Variants in EIPR1 observed in about 807,000 individuals in gnomAD.
EIPR1 encodes the protein EARP and GARP complex-interacting protein 1.
A neutral mutation model predicts 48.1 loss-of-function variants in EIPR1; 25 were observed. That is an observed-to-expected ratio of 0.52 (90% CI 0.38 to 0.73). The LOEUF (loss-of-function observed/expected upper bound fraction) is 0.73, where lower values mean the gene tolerates loss of function less well. EIPR1 is among the 30% of genes least tolerant of loss of function. The probability of loss-of-function intolerance (pLI) is 0.00; values close to 1 mark genes in which losing one functional copy is unlikely to be tolerated. For missense variants in EIPR1, 415 were observed against 506.2 expected (o/e 0.82, Z 1.73); for synonymous variants, 204 against 201.9 (o/e 1.01, Z -0.09).
chr2:3,279,502 G>A (rs184145396), intron 3 of EIPR1, among the ~76,000 whole-genome samples: 133 of 152,322 alleles, frequency 8.7e-4, no homozygotes, highest in African/African-American at 2.8e-3. Flanking sequence ...TGGGCAAGGT[G>A]TCACTTACAA....
chr2:3,368,381 G>A lies in EIPR1; in HGVS notation c.42+9267C>T, dbSNP rs543795019. Among the ~76,000 whole-genome samples the A allele has an allele frequency of 1.6e-3, 238 of 152,226 alleles. 2 individuals carry two copies. The highest frequency in any genetic ancestry group is 3.4e-3 in the Middle Eastern group (1 of 294). Reference sequence around the variant, plus strand: ...TGTCACCCACCTTCCCACCCCGACCGTCCTTTCTGGTCTGGCCCAGCTCAC... The same window carrying A: ...TGTCACCCACCTTCCCACCCCGACCATCCTTTCTGGTCTGGCCCAGCTCAC... On this transcript the variant is annotated intron_variant, in intron 1 of 8. Transcript: ENST00000382125.
At chr2:3,205,651 C>A (rs1665204998) in intron 5 of EIPR1, among the ~76,000 whole-genome samples, 1 of 152,186 alleles carries the variant, frequency 6.6e-6, no homozygotes, top group Admixed American at 6.5e-5. Context: ...TTTGAGAATG[C>A]CGATGACACC....
chr2:3,316,867 G>A (rs1669318656), intron 3 of EIPR1, among the ~76,000 whole-genome samples: 1 of 152,362 alleles, frequency 6.6e-6, no homozygotes, highest in South Asian at 2.1e-4. Context: ...CCAACAGTGA[G>A]AGACTCAAAA....
chr2:3,208,936 C>G, intron 5 of EIPR1: 1 of 1,514,160 alleles, frequency 6.6e-7, no homozygotes. Context: ...CACGCTCCTT[C>G]AGAATGTTCA....
rs553090257 is a variant in EIPR1, at chr2:3,231,823, T to G, written c.417-17575A>C. Among the ~76,000 whole-genome samples the G allele has an allele frequency of 1.5e-4, 23 of 152,368 alleles. 1 individual carries two copies. Among genetic ancestry groups the G allele is most frequent in the African/African-American group, 5.3e-4 (22 of 41,588 alleles). On this transcript the variant is annotated intron_variant, in intron 4 of 8. Transcript: ENST00000382125. ...TTCTAGTAGTGTCTTTGTCAGGCTT[T>G]AACATCAGACTAATGCTGGTCTCAT...
chr2:3,303,486 G>T (rs1436460027), intron 3 of EIPR1, among the ~76,000 whole-genome samples: 2 of 152,248 alleles, frequency 1.3e-5, no homozygotes, highest in Non-Finnish European at 2.9e-5. Context: ...ACTCACAGCA[G>T]CAGTGGCAGC....
intron 5 of EIPR1, among the ~76,000 whole-genome samples, chr2:3,200,179 A>G (rs1664979192): frequency 6.6e-6 from 1 of 151,880 alleles, no homozygotes; most frequent in South Asian, 2.1e-4. Flanking sequence ...CGAGGAGTGG[A>G]CCTGTCCGCT....
At chr2:3,281,246 G>T (rs1289951559) in intron 3 of EIPR1, among the ~76,000 whole-genome samples, 1 of 151,718 alleles carries the variant, frequency 6.6e-6, no homozygotes, top group African/African-American at 2.4e-5. Context: ...AGTGCCCTCT[G>T]GTTGTGGTGG....
intron 4 of EIPR1, among the ~76,000 whole-genome samples, chr2:3,228,626 C>T (rs1477722737): frequency 6.6e-6 from 1 of 152,176 alleles, no homozygotes; most frequent in Non-Finnish European, 1.5e-5. Flanking sequence ...TATGGTTTGG[C>T]TGTGTCCCCA....
intron 2 of EIPR1, among the ~76,000 whole-genome samples, chr2:3,339,906 C>G (rs1445974790): frequency 6.6e-6 from 1 of 152,160 alleles, no homozygotes; most frequent in Admixed American, 6.5e-5. Context: ...GCCGAGATGG[C>G]GCCACCGCAC....
chr2:3,324,879 G>A (rs1010942620), intron 3 of EIPR1, among the ~76,000 whole-genome samples: 1 of 152,206 alleles, frequency 6.6e-6, no homozygotes, highest in Non-Finnish European at 1.5e-5. Context: ...GGTCAGTGGC[G>A]CCTTGGTTTT....
At chr2:3,324,773 G>A (rs538492626) in intron 3 of EIPR1, among the ~76,000 whole-genome samples, 1 of 152,350 alleles carries the variant, frequency 6.6e-6, no homozygotes, top group Admixed American at 6.5e-5. Context: ...GGTCACGCCG[G>A]GGGGAGTGCA....
At chr2:3,225,643 T>G (rs970412054) in intron 4 of EIPR1, among the ~76,000 whole-genome samples, 3 of 152,216 alleles carry the variant, frequency 2.0e-5, no homozygotes, top group African/African-American at 7.2e-5. Context: ...CCCTTTTTTT[T>G]GTCATGCACA....
At chr2:3,294,454 AACAC>A (rs1668467856) in intron 3 of EIPR1, among the ~76,000 whole-genome samples, 1 of 50,372 alleles carries the variant, frequency 2.0e-5, no homozygotes, top group African/African-American at 8.1e-5. Flanking sequence ...CCTCTCTCCA[AACAC>A]ACACCCTCCA....
chr2:3,298,904 G>A (rs1668678462), intron 3 of EIPR1, among the ~76,000 whole-genome samples: 1 of 152,066 alleles, frequency 6.6e-6, no homozygotes, highest in African/African-American at 2.4e-5. Context: ...AGCCTTCCAG[G>A]GGACATCGTC....
chr2:3,292,730 C>T (rs1486423089), intron 3 of EIPR1, among the ~76,000 whole-genome samples: 1 of 152,106 alleles, frequency 6.6e-6, no homozygotes, highest in African/African-American at 2.4e-5. Flanking sequence ...CTCTCATCTA[C>T]ATTACGGCAA....
intron 1 of EIPR1, chr2:3,377,316 T>C (rs1659920900): frequency 8.6e-6 from 3 of 347,290 alleles, no homozygotes; most frequent in Non-Finnish European, 1.6e-5. Flanking sequence ...CAACATACAG[T>C]TCCTACCTTC....
At chr2:3,377,295 T>C in intron 1 of EIPR1, 1 of 282,940 alleles carries the variant, frequency 3.5e-6, no homozygotes, top group Non-Finnish European at 6.5e-6. Context: ...ATCAAACATT[T>C]TTATTTTAAA....
At chr2:3,295,153 T>C (rs1668512835) in intron 3 of EIPR1, among the ~76,000 whole-genome samples, 1 of 118,772 alleles carries the variant, frequency 8.4e-6, no homozygotes, top group African/African-American at 3.3e-5. Flanking sequence ...ATCCGGCATG[T>C]CCTTTCTACA....
Sources: gnomAD v4.1 joint callset for allele counts (sites outside exome capture counted in the v4.1 genomes callset) on GRCh38, gnomAD v4.1.1 for gene constraint, MANE v1.5 for transcripts, NCBI Gene and HGNC (gene_info 2026-07-23, HGNC 2026-07-21) for gene names.